Variants in BRD3 observed in about 807,000 individuals in gnomAD.
BRD3 encodes the protein bromodomain-containing protein 3.
BRD3 carries 17 observed loss-of-function variants against 66.8 expected under a neutral mutation model. The observed-to-expected ratio is 0.25, with a 90% CI of 0.17 to 0.38. BRD3 has a LOEUF of 0.38. Ranked by LOEUF, BRD3 falls within the 10% of genes least tolerant of loss-of-function variation. The pLI, the probability that BRD3 is intolerant of heterozygous loss-of-function variation, is 1.00. For missense variants in BRD3, 713 were observed against 956.1 expected, an observed-to-expected ratio of 0.75 and a Z score of 3.35; for synonymous variants, 421 against 393.2, an observed-to-expected ratio of 1.07 and a Z score of -0.84.
intron 7 of BRD3, among the ~76,000 whole-genome samples, chr9:134,042,734 C>CACACATATAT (rs950725891): frequency 4.0e-5 from 6 of 150,926 alleles, no homozygotes; most frequent in South Asian, 2.1e-4. Flanking sequence ...CATATATATA[C>CACACATATAT]ACACATATAT....
At chr9:134,039,543 C>T (rs552834617) in intron 9 of BRD3, among the ~76,000 whole-genome samples, 5 of 152,322 alleles carry the variant, frequency 3.3e-5, no homozygotes, top group Admixed American at 6.5e-5. Context: ...GCTCCCATCC[C>T]GGGCCTGAGC....
At position 134,045,287 on chromosome 9, in the gene BRD3, G is replaced by C; in HGVS notation, c.1215+6C>G. The C allele has an allele frequency of 1.2e-6, 2 of 1,613,228 alleles. No individual in the cohort carries two copies. Among genetic ancestry groups the C allele is most frequent in the Middle Eastern group, 3.3e-4 (2 of 6,062 alleles). The stretch of plus-strand genomic sequence containing the variant: ...GCAGCCCCACCCGTGCCCAGCCTCG[G>C]GTTACCTGGAGCTTCCGGGCCATGG... On this transcript the variant is annotated splice_donor_region_variant and intron_variant, in intron 7 of 11. Coordinates refer to ENST00000303407, the MANE Select transcript of BRD3 (RefSeq NM_007371.4). The surrounding 1 kb of genome is among the most constrained non-coding windows in gnomAD (Gnocchi z 4.8).
intron 9 of BRD3, 132 bp downstream of exon 9, chr9:134,039,902 C>CT (rs1830003233): frequency 2.8e-6 from 4 of 1,453,158 alleles, no homozygotes; most frequent in Admixed American, 2.7e-5. Flanking sequence ...GGCCCTCTGT[C>CT]TCCCTGCCCC....
chr9:134,065,983 T>A (rs886352524), intron 1 of BRD3, among the ~76,000 whole-genome samples: 3 of 152,010 alleles, frequency 2.0e-5, no homozygotes, highest in Non-Finnish European at 4.4e-5. Flanking sequence ...TGTTTGCAAG[T>A]CCCGTCCTTC....
At chr9:134,054,020 T>C (rs1490876256) in intron 1 of BRD3, 1 of 156,644 alleles carries the variant, frequency 6.4e-6, no homozygotes, top group Non-Finnish European at 1.4e-5. Flanking sequence ...GAGTGACCCA[T>C]GCGTGGACAG....
At chr9:134,065,018 A>C (rs554735902) in intron 1 of BRD3, among the ~76,000 whole-genome samples, 16 of 152,400 alleles carry the variant, frequency 1.0e-4, no homozygotes, top group Non-Finnish European at 2.2e-4. Flanking sequence ...GGGGTCGGGA[A>C]GGCCCAAGGC....
rs371941015 is a variant in BRD3, at chr9:134,055,610, GC to G, written c.-113-2021del. On this transcript the variant is annotated intron_variant, in intron 1 of 11. Transcript: ENST00000303407. ...TTATGGGCACCAAGCACCACACGCA[GC>G]TCCGCTGAGACTGCCGGGCAGCACC... 2.4e-3 allele frequency among the ~76,000 whole-genome samples: 363 copies of G among 152,320 alleles called. 1 individual carries two copies. The highest frequency in any genetic ancestry group is 8.4e-3 in the African/African-American group (348 of 41,566).
At position 134,032,246 on chromosome 9, in the gene BRD3, G is replaced by A. The variant is rs1843521177; in HGVS notation, c.*1344C>T. The A allele has an allele frequency of 4.6e-6, 1 of 216,394 alleles. No homozygotes were observed. The highest frequency in any genetic ancestry group is 5.8e-5 in the Admixed American group (1 of 17,208). The allele number at this position is 216,394 out of a possible 1,614,324, so 13.4% of individuals were successfully genotyped here. A position where few individuals can be genotyped will look rare whatever the true frequency, so the allele number is the denominator to read the frequency against. On this transcript the variant is annotated 3_prime_UTR_variant, in exon 12 of 12. Coordinates refer to ENST00000303407, the MANE Select transcript of BRD3 (RefSeq NM_007371.4). ...TTTACAATAGAAAGTTAAAAATCAA[G>A]ACTTAGATTTACTATACATTTTTTC...
intron 2 of BRD3, 48 bp downstream of exon 2, chr9:134,053,217 G>A: frequency 6.3e-7 from 1 of 1,596,874 alleles, no homozygotes; most frequent in Non-Finnish European, 8.6e-7. Context: ...GGGGGACAGA[G>A]GACGGCAGCA....
chr9:134,032,907 A>C lies in BRD3; in HGVS notation c.*683T>G. 2.9e-6 allele frequency: 1 copy of C among 341,608 alleles called. No individual in the cohort carries two copies. The highest frequency in any genetic ancestry group is 5.1e-6 in the Non-Finnish European group (1 of 194,270). 21.2% of individuals were successfully genotyped at this position (341,608 alleles called of 1,614,324 possible). Reference sequence around the variant, plus strand: ...AAAGTTGAGGTAAAAGCTTCAGTGTATGGAAACCTGCAGGCTGCATACACA... The same window carrying C: ...AAAGTTGAGGTAAAAGCTTCAGTGTCTGGAAACCTGCAGGCTGCATACACA... On this transcript the variant is annotated 3_prime_UTR_variant, in exon 12 of 12. Transcript: ENST00000303407.
rs1345114873 is a variant in BRD3, at chr9:134,045,962, G to T, written c.1087-541C>A. ...ATCCCAGGGGCCTAGCTGGACCTAA[G>T]GGACTCCACGCTGTGTCCAGCGGCA... On this transcript the variant is annotated intron_variant, in intron 6 of 11. Transcript: ENST00000303407. The surrounding 1 kb of genome is among the most constrained non-coding windows in gnomAD (Gnocchi z 4.8). Among the ~76,000 whole-genome samples, 1 of 152,222 alleles carries T rather than the reference G, an allele frequency of 6.6e-6. No individual in the cohort carries two copies. The highest frequency in any genetic ancestry group is 1.5e-5 in the Non-Finnish European group (1 of 68,036).
At position 134,033,113 on chromosome 9, in the gene BRD3, C is replaced by T. The variant is rs1314616488; in HGVS notation, c.*477G>A. 2.8e-5 allele frequency: 11 copies of T among 399,420 alleles called. No homozygotes were observed. In the East Asian group the frequency reaches 2.8e-4, roughly 10 times the overall value. 24.7% of individuals were successfully genotyped at this position (399,420 alleles called of 1,614,324 possible). A position where few individuals can be genotyped will look rare whatever the true frequency, so the allele number is the denominator to read the frequency against. On this transcript the variant is annotated 3_prime_UTR_variant, in exon 12 of 12. Coordinates refer to ENST00000303407, the MANE Select transcript of BRD3 (RefSeq NM_007371.4). This position sits in a 1 kb window ranked among gnomAD's most constrained non-coding sequence, Gnocchi z 5.1. ...CTCAGCCCCTCCAGAAAGAGGTGGC[C>T]GCGTCAGACACGAGGGTCAGAGCTC...
At chr9:134,036,745 A>T (rs749594677) in intron 9 of BRD3, among the ~76,000 whole-genome samples, 21 of 152,184 alleles carry the variant, frequency 1.4e-4, no homozygotes, top group African/African-American at 2.2e-4. Flanking sequence ...GCGGTGGCTC[A>T]CGCCTGTAAT....
intron 1 of BRD3, chr9:134,053,896 G>A (rs1467004544): frequency 4.8e-6 from 1 of 210,450 alleles, no homozygotes; most frequent in Non-Finnish European, 9.6e-6. Context: ...ACACTGGGAG[G>A]CAGGTGTGCC....
At chr9:134,063,083 A>G (rs1010181629) in intron 1 of BRD3, among the ~76,000 whole-genome samples, 1 of 152,074 alleles carries the variant, frequency 6.6e-6, no homozygotes, top group Non-Finnish European at 1.5e-5. Flanking sequence ...CTGCTGTCCC[A>G]CTCAGCCATG....
intron 1 of BRD3, among the ~76,000 whole-genome samples, chr9:134,065,927 A>C (rs993003598): frequency 2.0e-5 from 3 of 151,916 alleles, no homozygotes; most frequent in African/African-American, 7.3e-5. Context: ...GCACACCCCC[A>C]CTTTCACTTT....
At position 134,060,477 on chromosome 9, in the gene BRD3, A is replaced by C. The variant is rs969993687; in HGVS notation, c.-113-6887T>G. 5.3e-5 allele frequency among the ~76,000 whole-genome samples: 8 copies of C among 152,226 alleles called. No homozygotes were observed. In the South Asian group the frequency reaches 1.5e-3, roughly 28 times the overall value. On this transcript the variant is annotated intron_variant, in intron 1 of 11. Transcript: ENST00000303407. ...GGCCTGGTGGTGCACCTAGAATCCC[A>C]GCTATTCAGGAGGCTGAGGTGGGAG...
At position 134,042,732 on chromosome 9, in the gene BRD3, T is replaced by G. The variant is rs201731173; in HGVS notation, c.1216-781A>C. On this transcript the variant is annotated intron_variant, in intron 7 of 11. Coordinates refer to ENST00000303407, the MANE Select transcript of BRD3 (RefSeq NM_007371.4). ...ATATACACATATATACACATATATA[T>G]ACACACATATATACACATATATACA... Among the ~76,000 whole-genome samples, 7 of 148,740 alleles carry G rather than the reference T, an allele frequency of 4.7e-5. No individual in the cohort carries two copies. The East Asian group carries it at 1.2e-3, about 25-fold the overall frequency.
At position 134,031,675 on chromosome 9, in the gene BRD3, G is replaced by T; in HGVS notation, c.*1915C>A. The T allele has an allele frequency of 4.7e-6, 1 of 214,750 alleles. No individual in the cohort carries two copies. Among genetic ancestry groups the T allele is most frequent in the Non-Finnish European group, 9.4e-6 (1 of 106,338 alleles). 13.3% of individuals were successfully genotyped at this position (214,750 alleles called of 1,614,324 possible). Reference sequence around the variant, plus strand: ...CTCATCAGAGTTCCCTCTCCAGTAAGGGTATACCTACATCTGTAAGGGTCA... The same window carrying T: ...CTCATCAGAGTTCCCTCTCCAGTAATGGTATACCTACATCTGTAAGGGTCA... On this transcript the variant is annotated 3_prime_UTR_variant, in exon 12 of 12. Transcript: ENST00000303407.
Sources: allele counts gnomAD v4.1 joint callset (sites outside exome capture counted in the v4.1 genomes callset), GRCh38; gene constraint gnomAD v4.1.1; non-coding constraint Gnocchi (gnomAD v3.1); transcripts MANE v1.5; gene names NCBI Gene and HGNC (gene_info 2026-07-23, HGNC 2026-07-21).